The following WDR70 variants were observed in gnomAD, a reference collection of about 807,000 sequenced individuals.
WDR70 encodes WD repeat domain 70.
In WDR70, 53 loss-of-function variants were observed where a neutral mutation model predicts 88.6. The observed-to-expected ratio is 0.60, with a 90% CI of 0.48 to 0.75. WDR70 has a LOEUF of 0.75. Among genes scored for constraint, WDR70 ranks in the 30% least tolerant of loss-of-function variants. The pLI is 0.00. For missense variants in WDR70, 610 were observed against 823.2 expected, an observed-to-expected ratio of 0.74 and a Z score of 3.17; for synonymous variants, 280 against 270.0, an observed-to-expected ratio of 1.04 and a Z score of -0.36.
intron 10 of WDR70, among the ~76,000 whole-genome samples, chr5:37,610,265 C>CAAA (rs869283967): frequency 7.6e-5 from 6 of 79,336 alleles, no homozygotes; most frequent in Non-Finnish European, 1.6e-4. Context: ...GACTCCGTCT[C>CAAA]AAAAAAAAAA....
rs902651882 is a variant in WDR70, at chr5:37,525,944, A to G, written c.917+9354A>G. On this transcript the variant is annotated intron_variant, in intron 9 of 17. Transcript: ENST00000265107. ...CAAGACTAAACCAGGAAGAATTTGA[A>G]TCCACGAATAGAGCAATAACAGTTT... Among the ~76,000 whole-genome samples the G allele has an allele frequency of 2.6e-5, 4 of 152,214 alleles. No individual in the cohort carries two copies. In the East Asian group the frequency reaches 7.7e-4, roughly 29 times the overall value.
At chr5:37,547,492 GTTTAT>G (rs561938705) in intron 9 of WDR70, among the ~76,000 whole-genome samples, 12 of 151,948 alleles carry the variant, frequency 7.9e-5, no homozygotes, top group Middle Eastern at 3.4e-3. Context: ...TATTTTTAAA[GTTTAT>G]TTTATTTTTT....
intron 5 of WDR70, among the ~76,000 whole-genome samples, chr5:37,410,265 C>G (rs1315319412): frequency 1.3e-5 from 2 of 149,476 alleles, no homozygotes; most frequent in East Asian, 2.0e-4. Flanking sequence ...TCTCGAACTC[C>G]TGGGCTCAAG....
intron 10 of WDR70, among the ~76,000 whole-genome samples, chr5:37,655,389 C>T (rs1251853464): frequency 6.6e-6 from 1 of 152,128 alleles, no homozygotes; most frequent in South Asian, 2.1e-4. Flanking sequence ...GCCTTCATTT[C>T]AACCTTGGTG....
chr5:37,515,448 T>A (rs1740858029), intron 8 of WDR70, among the ~76,000 whole-genome samples: 1 of 152,212 alleles, frequency 6.6e-6, no homozygotes, highest in Non-Finnish European at 1.5e-5. Context: ...GAAAATGAGA[T>A]CTCAGACTTG....
At chr5:37,653,074 G>A (rs1745453125) in intron 10 of WDR70, among the ~76,000 whole-genome samples, 1 of 152,124 alleles carries the variant, frequency 6.6e-6, no homozygotes, top group Non-Finnish European at 1.5e-5. Flanking sequence ...CTGGCTGTGA[G>A]TTTGTCATAA....
chr5:37,561,335 T>A (rs1742497458), intron 9 of WDR70, among the ~76,000 whole-genome samples: 1 of 152,226 alleles, frequency 6.6e-6, no homozygotes, highest in Non-Finnish European at 1.5e-5. Flanking sequence ...AACCGAGGGA[T>A]AAGATTATTT....
intron 9 of WDR70, among the ~76,000 whole-genome samples, chr5:37,523,807 C>A (rs1368029865): frequency 6.6e-6 from 1 of 152,146 alleles, no homozygotes; most frequent in Non-Finnish European, 1.5e-5. Flanking sequence ...AGCTGAAAAC[C>A]ATGGCAGGAG....
intron 10 of WDR70, among the ~76,000 whole-genome samples, chr5:37,670,268 A>G (rs1292754594): frequency 2.0e-5 from 3 of 152,240 alleles, no homozygotes; most frequent in Non-Finnish European, 4.4e-5. Flanking sequence ...CACGATGCTA[A>G]GAAAGTTTTG....
At chr5:37,529,469 A>T (rs1451560119) in intron 9 of WDR70, among the ~76,000 whole-genome samples, 1 of 151,992 alleles carries the variant, frequency 6.6e-6, no homozygotes, top group African/African-American at 2.4e-5. Context: ...GGAGTGTTTC[A>T]ATTTGTTTGT....
rs1458057427 is a variant in WDR70, at chr5:37,486,763, A to G, written c.840+6776A>G. Reference sequence around the variant, plus strand: ...TTTTTTTCATATGCTTGTTGGCCGCATGTGTCTTCTTTTGAAGTGTCTGTT... The same window carrying G: ...TTTTTTTCATATGCTTGTTGGCCGCGTGTGTCTTCTTTTGAAGTGTCTGTT... On this transcript the variant is annotated intron_variant, in intron 8 of 17. Transcript: ENST00000265107. Among the ~76,000 whole-genome samples the G allele has an allele frequency of 2.2e-5, 3 of 137,804 alleles. 1 individual carries two copies. The highest frequency in any genetic ancestry group is 4.8e-5 in the Non-Finnish European group (3 of 62,844). The allele number at this position is 137,804 out of a possible 152,430, so 90.4% of individuals were successfully genotyped here. A position where few individuals can be genotyped will look rare whatever the true frequency, so the allele number is the denominator to read the frequency against.
chr5:37,402,488 G>A (rs544891060), intron 5 of WDR70, among the ~76,000 whole-genome samples: 16 of 152,116 alleles, frequency 1.1e-4, no homozygotes, highest in Admixed American at 5.2e-4. Flanking sequence ...GCTGGATTAT[G>A]ACAGTTTTAG....
intron 13 of WDR70, among the ~76,000 whole-genome samples, chr5:37,712,000 T>G (rs1404817340): frequency 3.4e-5 from 5 of 147,146 alleles, no homozygotes. Context: ...TTTTTTTTTT[T>G]TTTTTTTCTT....
chr5:37,655,127 G>A (rs1208968137), intron 10 of WDR70, among the ~76,000 whole-genome samples: 1 of 152,124 alleles, frequency 6.6e-6, no homozygotes, highest in African/African-American at 2.4e-5. Context: ...AGGATCTCTT[G>A]TAAGGCAGGC....
chr5:37,740,870 G>A (rs1748452573), intron 17 of WDR70, among the ~76,000 whole-genome samples: 1 of 152,198 alleles, frequency 6.6e-6, no homozygotes, highest in African/African-American at 2.4e-5. Flanking sequence ...TGCCAAGCTA[G>A]GGGAGGGATG....
Position 37,531,935 on chromosome 5 carries a change from T to A in WDR70, c.917+15345T>A, listed in dbSNP as rs78147020. Reference sequence around the variant, plus strand: ...AAAATTTAGAGCTCCTTTTAGCAGTTCTTGTAGTGTTGGCCTGGTAGTGGC... The same window carrying A: ...AAAATTTAGAGCTCCTTTTAGCAGTACTTGTAGTGTTGGCCTGGTAGTGGC... On this transcript the variant is annotated intron_variant, in intron 9 of 17. Coordinates refer to ENST00000265107, the MANE Select transcript of WDR70 (RefSeq NM_018034.4). Among the ~76,000 whole-genome samples, 9 of 152,328 alleles carry A rather than the reference T, an allele frequency of 5.9e-5. No individual in the cohort carries two copies. In the East Asian group the frequency reaches 1.7e-3, roughly 29 times the overall value.
At chr5:37,516,784 C>G (rs886506179) in intron 9 of WDR70, among the ~76,000 whole-genome samples, 194 bp downstream of exon 9, 1 of 148,112 alleles carries the variant, frequency 6.8e-6, no homozygotes, top group Non-Finnish European at 1.5e-5. Flanking sequence ...TGCAGTGGTA[C>G]GATCTTGGCT....
chr5:37,499,615 C>T (rs1740342730), intron 8 of WDR70, among the ~76,000 whole-genome samples: 1 of 149,270 alleles, frequency 6.7e-6, no homozygotes, highest in African/African-American at 2.5e-5. Flanking sequence ...CTCTCTCTCT[C>T]TCTCTCTCTC....
At chr5:37,747,191 AAAAC>A (rs1260048569) in intron 17 of WDR70, among the ~76,000 whole-genome samples, 5 of 152,128 alleles carry the variant, frequency 3.3e-5, no homozygotes, top group East Asian at 3.8e-4. Flanking sequence ...TTACAAGAAA[AAAAC>A]AAAAAAGTGG....
Sources: gnomAD v4.1 joint callset for allele counts (sites outside exome capture counted in the v4.1 genomes callset) on GRCh38, gnomAD v4.1.1 for gene constraint, MANE v1.5 for transcripts, NCBI Gene and HGNC (gene_info 2026-07-23, HGNC 2026-07-21) for gene names.